Variants in CHCHD6 observed in about 807,000 individuals in gnomAD.
CHCHD6 encodes the protein coiled-coil-helix-coiled-coil-helix domain containing 6.
Under a neutral mutation model 32.3 loss-of-function variants are expected in CHCHD6, and 28 were observed. That is an observed-to-expected ratio of 0.87 (90% CI 0.64 to 1.19). The LOEUF (loss-of-function observed/expected upper bound fraction) is 1.19. CHCHD6 is among the 50% of genes most tolerant of loss of function. The probability of loss-of-function intolerance (pLI) is 0.00; values close to 1 mark genes in which losing one functional copy is unlikely to be tolerated. For synonymous variants in CHCHD6, 122 were observed against 117.5 expected (o/e 1.04, Z -0.25); for missense variants, 333 against 307.0 (o/e 1.08, Z -0.63).
intron 4 of CHCHD6, among the ~76,000 whole-genome samples, chr3:126,784,085 G>A (rs969726022): frequency 2.0e-5 from 3 of 152,112 alleles, no homozygotes; most frequent in Non-Finnish European, 4.4e-5. Flanking sequence ...ACAGCTGCCT[G>A]CAGGTAGCTT....
At chr3:126,864,108 C>T (rs1384823964) in intron 5 of CHCHD6, among the ~76,000 whole-genome samples, 1 of 149,986 alleles carries the variant, frequency 6.7e-6, no homozygotes, top group African/African-American at 2.5e-5. Context: ...TTACCACATC[C>T]TCCACCACCA....
chr3:126,823,828 C>A (rs1259934149), intron 4 of CHCHD6, among the ~76,000 whole-genome samples: 1 of 152,114 alleles, frequency 6.6e-6, no homozygotes, highest in Non-Finnish European at 1.5e-5. Flanking sequence ...AGGAGGATTG[C>A]TTGAGCCCAG....
At chr3:126,808,371 C>T (rs892282514) in intron 4 of CHCHD6, among the ~76,000 whole-genome samples, 3 of 151,956 alleles carry the variant, frequency 2.0e-5, no homozygotes, top group African/African-American at 7.3e-5. Context: ...TAGGTCCAAC[C>T]CTTGGTTTAA....
chr3:126,726,676 C>T (rs1247102169), intron 1 of CHCHD6, among the ~76,000 whole-genome samples: 1 of 152,146 alleles, frequency 6.6e-6, no homozygotes, highest in East Asian at 1.9e-4. Context: ...TGAGATACCT[C>T]CAAAGAAAGG....
At chr3:126,908,314 T>G (rs2078034932) in intron 5 of CHCHD6, among the ~76,000 whole-genome samples, 1 of 152,218 alleles carries the variant, frequency 6.6e-6, no homozygotes, top group African/African-American at 2.4e-5. Context: ...ACCCTCAGAC[T>G]CCTCTGTGCT....
chr3:126,896,665 A>G (rs6439028), intron 5 of CHCHD6, among the ~76,000 whole-genome samples: 64,911 of 152,110 alleles, frequency 0.43, 15,178 homozygotes, highest in African/African-American at 0.63. Flanking sequence ...ACCCGGCTGT[A>G]GATCTGCTGC....
intron 5 of CHCHD6, among the ~76,000 whole-genome samples, chr3:126,866,307 A>C (rs1343794813): frequency 6.6e-6 from 1 of 152,222 alleles, no homozygotes; most frequent in African/African-American, 2.4e-5. Context: ...CTTCACCTGC[A>C]CTGACTCCTT....
intron 4 of CHCHD6, among the ~76,000 whole-genome samples, chr3:126,815,450 G>A (rs879459019): frequency 4.6e-5 from 7 of 152,180 alleles, no homozygotes; most frequent in African/African-American, 9.7e-5. Context: ...TGCCCTTGTG[G>A]ATCCCAGCGC....
At chr3:126,704,618 G>T (rs985616968) in intron 1 of CHCHD6, among the ~76,000 whole-genome samples, 10 of 152,188 alleles carry the variant, frequency 6.6e-5, no homozygotes, top group African/African-American at 2.4e-4. Flanking sequence ...GAGGAGTGAA[G>T]AACTGTACAG....
At chr3:126,914,622 T>C (rs1433682573) in intron 5 of CHCHD6, 58 bp from the exon 6 acceptor site, 6 of 944,402 alleles carry the variant, frequency 6.4e-6, no homozygotes, top group South Asian at 2.6e-5. Context: ...TTGCATCCCA[T>C]TAGAGAGCAG....
chr3:126,784,711 A>G (rs1418279935), intron 4 of CHCHD6, among the ~76,000 whole-genome samples: 2 of 152,160 alleles, frequency 1.3e-5, no homozygotes, highest in Admixed American at 1.3e-4. Flanking sequence ...TCATGGAAGA[A>G]AAAAGGGGCC....
At chr3:126,751,994 GC>G (rs1234892652) in intron 4 of CHCHD6, among the ~76,000 whole-genome samples, 2 of 152,136 alleles carry the variant, frequency 1.3e-5, no homozygotes, top group African/African-American at 4.8e-5. Context: ...TCATCTAATG[GC>G]CGTTTAAAAA....
chr3:126,923,022 G>A (rs554255544), intron 6 of CHCHD6, among the ~76,000 whole-genome samples: 1 of 152,286 alleles, frequency 6.6e-6, no homozygotes, highest in Non-Finnish European at 1.5e-5. Flanking sequence ...CTTCTGTCTT[G>A]TCCCCAGGGC....
intron 4 of CHCHD6, among the ~76,000 whole-genome samples, chr3:126,767,685 T>G (rs1239377633): frequency 6.6e-6 from 1 of 152,196 alleles, no homozygotes; most frequent in East Asian, 1.9e-4. Context: ...ACTAATAATT[T>G]CATCACCCAG....
chr3:126,913,409 AT>A (rs1457876073), intron 5 of CHCHD6, among the ~76,000 whole-genome samples: 1 of 149,330 alleles, frequency 6.7e-6, no homozygotes, highest in Admixed American at 6.6e-5. Context: ...TTTTTTTTGT[AT>A]TTTTAGTAGA....
intron 4 of CHCHD6, among the ~76,000 whole-genome samples, chr3:126,758,056 C>A: frequency 6.6e-6 from 1 of 152,204 alleles, no homozygotes; most frequent in East Asian, 1.9e-4. Flanking sequence ...ACCAGATGAA[C>A]TCTTGGGCAA....
intron 6 of CHCHD6, among the ~76,000 whole-genome samples, chr3:126,923,720 C>G (rs576967586): frequency 6.6e-6 from 1 of 152,234 alleles, no homozygotes; most frequent in Non-Finnish European, 1.5e-5. Context: ...ACTTCCCTTA[C>G]TTCTAAAGGT....
intron 5 of CHCHD6, among the ~76,000 whole-genome samples, chr3:126,862,150 A>T (rs1369951770): frequency 2.7e-5 from 1 of 36,546 alleles, no homozygotes; most frequent in Non-Finnish European, 5.0e-5. Flanking sequence ...CACCATCACC[A>T]CCTCCCCCTC....
intron 6 of CHCHD6, among the ~76,000 whole-genome samples, chr3:126,948,115 C>G (rs2078665902): frequency 6.6e-6 from 1 of 152,222 alleles, no homozygotes; most frequent in Non-Finnish European, 1.5e-5. Context: ...CCTGCCCATC[C>G]CCGCTCCCCA....
Sources: gnomAD v4.1 joint callset for allele counts (sites outside exome capture counted in the v4.1 genomes callset) on GRCh38, gnomAD v4.1.1 for gene constraint, MANE v1.5 for transcripts, NCBI Gene and HGNC (gene_info 2026-07-23, HGNC 2026-07-21) for gene names.